The following YEATS4 variants were observed in gnomAD, a reference collection of about 807,000 sequenced individuals.
The protein encoded by YEATS4 is YEATS domain containing 4, also known as YEATS domain-containing protein 4.
In YEATS4, 17 loss-of-function variants were observed where a neutral mutation model predicts 30.1. The ratio of observed to expected loss-of-function variants is 0.56; its 90% CI spans 0.39 to 0.85. YEATS4 has a LOEUF of 0.85. Among genes scored for constraint, YEATS4 ranks in the 40% least tolerant of loss-of-function variants. The pLI is 0.00. For synonymous variants in YEATS4, 85 were observed against 87.5 expected (o/e 0.97, Z 0.16); for missense variants, 142 against 268.3 (o/e 0.53, Z 3.29).
the YEATS4 span, among the ~76,000 whole-genome samples, chr12:69,413,850 A>C: frequency 2.3e-5 from 2 of 85,988 alleles, no homozygotes; most frequent in South Asian, 1.1e-3. Flanking sequence ...AGACTTCGTC[A>C]AAAAAAAAAA....
the YEATS4 span, among the ~76,000 whole-genome samples, chr12:69,417,861 A>G: frequency 8.9e-4 from 135 of 151,392 alleles, 1 homozygote; most frequent in African/African-American, 2.9e-3. Context: ...ATAGGGAAAA[A>G]AAAAAAAAAA....
chr12:69,418,745 C>T, the YEATS4 span, among the ~76,000 whole-genome samples: 1 of 151,936 alleles, frequency 6.6e-6, no homozygotes, highest in Non-Finnish European at 1.5e-5. Flanking sequence ...TGAGCTAATC[C>T]TTCAACTTTG....
intron 6 of YEATS4, among the ~76,000 whole-genome samples, chr12:69,388,588 G>A (rs1229343511): frequency 2.0e-5 from 3 of 152,118 alleles, no homozygotes; most frequent in Non-Finnish European, 2.9e-5. Context: ...TTAGACACAA[G>A]CAGATATTTT....
In YEATS4 at chr12:69,362,775, A is replaced by G. The variant is rs771765666; in HGVS notation, c.52-13A>G. On this transcript the variant is annotated splice_polypyrimidine_tract_variant and intron_variant, in intron 1 of 6. Transcript: ENST00000247843. Reference sequence around the variant, plus strand: ...TACAATATTCATTTATTTTAAAATTATTTTTCTTTTAGGGTGTTACTATCG... The same window carrying G: ...TACAATATTCATTTATTTTAAAATTGTTTTTCTTTTAGGGTGTTACTATCG... The G allele has an allele frequency of 1.9e-6, 3 of 1,582,532 alleles. No homozygotes were observed. The highest frequency in any genetic ancestry group is 4.5e-5 in the East Asian group (2 of 44,038).
At chr12:69,366,829 C>G (rs949637291) in intron 4 of YEATS4, among the ~76,000 whole-genome samples, 1 of 152,200 alleles carries the variant, frequency 6.6e-6, no homozygotes, top group South Asian at 2.1e-4. Context: ...AGTATTTCAG[C>G]AAACCGGTTC....
chr12:69,380,953 T>C (rs502310), intron 6 of YEATS4, among the ~76,000 whole-genome samples: 9,010 of 152,168 alleles, frequency 0.059, 392 homozygotes, highest in African/African-American at 0.12. Context: ...CACAAGGTAA[T>C]AAGATATCAC....
At chr12:69,379,416 C>T (rs1726065230) in intron 6 of YEATS4, among the ~76,000 whole-genome samples, 1 of 151,492 alleles carries the variant, frequency 6.6e-6, no homozygotes, top group Admixed American at 6.6e-5. Flanking sequence ...TACCCCTACC[C>T]TGCCTTTTTA....
At chr12:69,403,823 A>G in the YEATS4 span, among the ~76,000 whole-genome samples, 2 of 152,156 alleles carry the variant, frequency 1.3e-5, no homozygotes, top group Admixed American at 6.5e-5. Flanking sequence ...CCAAACAAGC[A>G]GTTTTCAGGG....
At chr12:69,364,587 C>CT (rs1369381410) in intron 2 of YEATS4, among the ~76,000 whole-genome samples, 1 of 152,008 alleles carries the variant, frequency 6.6e-6, no homozygotes, top group Non-Finnish European at 1.5e-5. Context: ...TCTTAGATTG[C>CT]TTTAAATTAG....
chr12:69,388,124 G>C (rs1221961404), intron 6 of YEATS4, among the ~76,000 whole-genome samples: 6 of 151,516 alleles, frequency 4.0e-5, no homozygotes, highest in African/African-American at 9.7e-5. Context: ...TGCAGGGCGC[G>C]ATCTCGGCTC....
At chr12:69,384,895 A>G (rs1012161953) in intron 6 of YEATS4, among the ~76,000 whole-genome samples, 1 of 152,206 alleles carries the variant, frequency 6.6e-6, no homozygotes, top group Non-Finnish European at 1.5e-5. Context: ...GGACAGACAG[A>G]TAGAATAAGA....
chr12:69,376,017 T>G (rs1592854070), intron 6 of YEATS4, among the ~76,000 whole-genome samples: 1 of 152,346 alleles, frequency 6.6e-6, no homozygotes, highest in South Asian at 2.1e-4. Flanking sequence ...TTACTGAATT[T>G]GTTTATCAAC....
the YEATS4 span, among the ~76,000 whole-genome samples, chr12:69,398,619 C>T: frequency 4.0e-5 from 6 of 151,586 alleles, no homozygotes; most frequent in African/African-American, 9.7e-5. Context: ...TCAAGACCAG[C>T]CTGGGCAACA....
chr12:69,413,182 G>C, the YEATS4 span, among the ~76,000 whole-genome samples: 3 of 152,008 alleles, frequency 2.0e-5, no homozygotes, highest in Admixed American at 1.3e-4. Flanking sequence ...AGAGGCCAAG[G>C]TGGGAGGACC....
intron 6 of YEATS4, among the ~76,000 whole-genome samples, chr12:69,380,352 T>A (rs1334724272): frequency 6.6e-6 from 1 of 152,176 alleles, no homozygotes; most frequent in Non-Finnish European, 1.5e-5. Flanking sequence ...TTCTTGCAGA[T>A]TTGTAGGGTA....
In YEATS4 at chr12:69,362,987, T is replaced by A. The variant is rs1592846902; in HGVS notation, c.171+80T>A. Reference sequence around the variant, plus strand: ...TTGCTTAAAGACAACCTGTAGTTTTTTTTTTTTTTTTTTTTTTTTTTTTGA... The same window carrying A: ...TTGCTTAAAGACAACCTGTAGTTTTATTTTTTTTTTTTTTTTTTTTTTTGA... On this transcript the variant is annotated intron_variant, in intron 2 of 6. Transcript: ENST00000247843. 3.6e-3 allele frequency: 3,589 copies of A among 1,010,002 alleles called. 361 individuals are homozygous for A. The highest frequency in any genetic ancestry group is 0.011 in the South Asian group (382 of 35,342). The allele number at this position is 1,010,002 out of a possible 1,614,324, so 62.6% of individuals were successfully genotyped here. A position where few individuals can be genotyped will look rare whatever the true frequency, so the allele number is the denominator to read the frequency against.
chr12:69,403,234 C>G, the YEATS4 span, among the ~76,000 whole-genome samples: 5 of 152,124 alleles, frequency 3.3e-5, no homozygotes, highest in African/African-American at 1.2e-4. Context: ...TGAGATTTGG[C>G]CTTTGTAAAT....
the YEATS4 span, among the ~76,000 whole-genome samples, chr12:69,402,049 A>G: frequency 6.6e-6 from 1 of 152,188 alleles, no homozygotes; most frequent in Non-Finnish European, 1.5e-5. Context: ...AGTCTTGTTT[A>G]TCTTGGTAAG....
chr12:69,376,804 A>G (rs1875891989), intron 6 of YEATS4, among the ~76,000 whole-genome samples: 1 of 152,146 alleles, frequency 6.6e-6, no homozygotes, highest in Non-Finnish European at 1.5e-5. Context: ...ATGTTTGGTA[A>G]AATTCAACAG....
Sources: gnomAD v4.1 joint callset for allele counts (sites outside exome capture counted in the v4.1 genomes callset) on GRCh38, gnomAD v4.1.1 for gene constraint, MANE v1.5 for transcripts, NCBI Gene and HGNC (gene_info 2026-07-23, HGNC 2026-07-21) for gene names.